The following GRID2 variants were observed in gnomAD, a reference collection of about 807,000 sequenced individuals.
GRID2 encodes the protein glutamate ionotropic receptor delta type subunit 2, also known as glutamate receptor ionotropic, delta-2.
Under a neutral mutation model 114.8 loss-of-function variants are expected in GRID2, and 33 were observed. The ratio of observed to expected loss-of-function variants is 0.29; its 90% CI spans 0.22 to 0.38. The LOEUF is 0.38. GRID2 is among the 10% of genes least tolerant of loss of function. The pLI is 1.00. For missense variants in GRID2, 1,184 were observed against 1,257.7 expected (o/e 0.94, Z 0.89); for synonymous variants, 505 against 449.9 (o/e 1.12, Z -1.55).
At chr4:92,403,386 T>G (rs1000562969) in intron 1 of GRID2, among the ~76,000 whole-genome samples, 2 of 152,082 alleles carry the variant, frequency 1.3e-5, no homozygotes, top group Admixed American at 6.6e-5. Flanking sequence ...GCCTAAACAT[T>G]TGTAACATTT....
chr4:92,991,599 A>G (rs548116140), intron 2 of GRID2, among the ~76,000 whole-genome samples: 2 of 152,360 alleles, frequency 1.3e-5, no homozygotes, highest in African/African-American at 4.8e-5. Context: ...GTTGCTAAGT[A>G]TAGGATAGGC....
chr4:93,551,791 CAT>C (rs1733775336), intron 13 of GRID2, among the ~76,000 whole-genome samples: 1 of 152,212 alleles, frequency 6.6e-6, no homozygotes, highest in South Asian at 2.1e-4. Context: ...AAACTTTACT[CAT>C]ATTAAAATTC....
intron 1 of GRID2, among the ~76,000 whole-genome samples, chr4:92,332,934 C>T (rs1314592125): frequency 1.3e-5 from 2 of 152,196 alleles, no homozygotes; most frequent in African/African-American, 4.8e-5. Flanking sequence ...TCAGTCCACT[C>T]AGCAGCTCTC....
chr4:92,358,830 G>T (rs1488505496), intron 1 of GRID2, among the ~76,000 whole-genome samples: 3 of 151,856 alleles, frequency 2.0e-5, no homozygotes, highest in Non-Finnish European at 4.4e-5. Context: ...ATATTAGAAT[G>T]TAAGGCATAT....
chr4:93,529,406 G>C (rs2149511592), intron 13 of GRID2, among the ~76,000 whole-genome samples: 1 of 152,300 alleles, frequency 6.6e-6, no homozygotes, highest in Middle Eastern at 3.4e-3. Flanking sequence ...GGTAACCTAA[G>C]AGAAATGTAA....
At chr4:93,090,230 A>T (rs556098778) in intron 3 of GRID2, among the ~76,000 whole-genome samples, 1 of 152,158 alleles carries the variant, frequency 6.6e-6, no homozygotes, top group African/African-American at 2.4e-5. Context: ...AATGAGCAGG[A>T]TTGATCTCAA....
In GRID2 at chr4:93,678,236, A is replaced by G. The variant is rs1038920196; in HGVS notation, c.2360+51801A>G. On this transcript the variant is annotated intron_variant, in intron 14 of 15. Transcript: ENST00000282020. Reference sequence around the variant, plus strand: ...AAGGGAAGTTTAGAGAAAAAAGAATAAAAAGAAATGAACAAAGCCTCCAAG... The same window carrying G: ...AAGGGAAGTTTAGAGAAAAAAGAATGAAAAGAAATGAACAAAGCCTCCAAG... Among the ~76,000 whole-genome samples the G allele has an allele frequency of 3.3e-5, 5 of 152,154 alleles. No homozygotes were observed. In the South Asian group the frequency reaches 6.2e-4, roughly 19 times the overall value.
chr4:92,909,756 T>C (rs1748230308), intron 2 of GRID2, among the ~76,000 whole-genome samples: 1 of 152,168 alleles, frequency 6.6e-6, no homozygotes, highest in South Asian at 2.1e-4. Flanking sequence ...ACCCATTAAT[T>C]AAGCACCTAT....
chr4:92,930,476 A>T (rs1750140986), intron 2 of GRID2, among the ~76,000 whole-genome samples: 1 of 151,148 alleles, frequency 6.6e-6, no homozygotes, highest in African/African-American at 2.4e-5. Context: ...CTACCTTTTA[A>T]TTGGTGATAT....
chr4:93,521,896 A>C (rs541656054), intron 13 of GRID2, among the ~76,000 whole-genome samples: 1 of 152,288 alleles, frequency 6.6e-6, no homozygotes, highest in East Asian at 1.9e-4. Flanking sequence ...TTTTTAAAGA[A>C]ATTTTGCTGA....
intron 8 of GRID2, among the ~76,000 whole-genome samples, chr4:93,357,339 AAG>A (rs1225095582): frequency 2.0e-5 from 3 of 151,142 alleles, no homozygotes; most frequent in Non-Finnish European, 4.4e-5. Context: ...TTATTAATTC[AAG>A]AGGACTCCAT....
At chr4:93,694,270 T>C (rs542986157) in intron 14 of GRID2, among the ~76,000 whole-genome samples, 1 of 152,256 alleles carries the variant, frequency 6.6e-6, no homozygotes, top group African/African-American at 2.4e-5. Flanking sequence ...CCCTATTGCC[T>C]GGCCATGTAC....
intron 8 of GRID2, among the ~76,000 whole-genome samples, chr4:93,331,896 T>G (rs1177695939): frequency 1.3e-5 from 2 of 152,284 alleles, no homozygotes; most frequent in East Asian, 1.9e-4. Context: ...TTTATGGAAC[T>G]GTTCTTCTTT....
intron 1 of GRID2, among the ~76,000 whole-genome samples, chr4:92,350,175 A>G (rs773826452): frequency 6.6e-6 from 1 of 151,740 alleles, no homozygotes; most frequent in African/African-American, 2.4e-5. Flanking sequence ...AGTATCATGC[A>G]TGTATTACCT....
intron 14 of GRID2, among the ~76,000 whole-genome samples, chr4:93,751,641 A>G (rs1732327421): frequency 6.6e-6 from 1 of 152,116 alleles, no homozygotes; most frequent in African/African-American, 2.4e-5. Flanking sequence ...ACTTGACAGG[A>G]GATCTGGAGA....
chr4:93,782,556 C>T (rs1174904779), intron 1 of GRID2, among the ~76,000 whole-genome samples: 1 of 152,020 alleles, frequency 6.6e-6, no homozygotes, highest in African/African-American at 2.4e-5. Flanking sequence ...AATCCTGTGA[C>T]ACCAATTCCA....
At chr4:92,399,655 C>A (rs1579298392) in intron 1 of GRID2, among the ~76,000 whole-genome samples, 1 of 139,384 alleles carries the variant, frequency 7.2e-6, no homozygotes, top group African/African-American at 2.8e-5. Flanking sequence ...CTCTCTCTCT[C>A]TCTCTCTCTC....
intron 1 of GRID2, among the ~76,000 whole-genome samples, chr4:92,482,392 G>C (rs1274808716): frequency 6.6e-6 from 1 of 151,334 alleles, no homozygotes; most frequent in Admixed American, 6.6e-5. Flanking sequence ...TCACTACCGG[G>C]GTGCAATATA....
chr4:92,598,252 A>G (rs34464836), intron 2 of GRID2, among the ~76,000 whole-genome samples: 54,100 of 152,016 alleles, frequency 0.36, 9,678 homozygotes, highest in African/African-American at 0.41. Flanking sequence ...GTGCCTGTGA[A>G]CATTCAGTCT....
Sources: allele counts gnomAD v4.1 joint callset (sites outside exome capture counted in the v4.1 genomes callset), GRCh38; gene constraint gnomAD v4.1.1; transcripts MANE v1.5; gene names NCBI Gene and HGNC (gene_info 2026-07-23, HGNC 2026-07-21).